Variants in CCNYL1 observed in about 807,000 individuals in gnomAD.
CCNYL1 encodes cyclin Y like 1.
A neutral mutation model predicts 44.2 loss-of-function variants in CCNYL1; 16 were observed. That is an observed-to-expected ratio of 0.36 (90% confidence interval 0.25 to 0.55). CCNYL1 has a LOEUF of 0.55. Among genes scored for constraint, CCNYL1 ranks in the 20% least tolerant of loss-of-function variants. CCNYL1 has a pLI of 0.85. For synonymous variants in CCNYL1, 159 were observed against 163.2 expected (o/e 0.97, Z 0.20); for missense variants, 348 against 451.8 (o/e 0.77, Z 2.08).
intron 4 of CCNYL1, among the ~76,000 whole-genome samples, chr2:207,736,766 A>G (rs1238869545): frequency 2.0e-5 from 3 of 152,200 alleles, no homozygotes; most frequent in Non-Finnish European, 4.4e-5. Flanking sequence ...TAACCAAAAA[A>G]CCAAATAGTT....
chr2:207,747,255 A>G, intron 8 of CCNYL1, 42 bp downstream of exon 8: 2 of 1,551,714 alleles, frequency 1.3e-6, no homozygotes, highest in Non-Finnish European at 1.8e-6. Context: ...ACCATTTTCC[A>G]GTATCTTATT....
At chr2:207,718,558 G>A (rs2091615000) in intron 1 of CCNYL1, among the ~76,000 whole-genome samples, 1 of 151,586 alleles carries the variant, frequency 6.6e-6, no homozygotes, top group African/African-American at 2.4e-5. Flanking sequence ...GTGATGAATA[G>A]ACAAGTCACA....
intron 3 of CCNYL1, among the ~76,000 whole-genome samples, chr2:207,731,460 T>C (rs2091725360): frequency 6.6e-6 from 1 of 152,200 alleles, no homozygotes; most frequent in Non-Finnish European, 1.5e-5. Flanking sequence ...TTGTCCCTAT[T>C]TTGTGACTAC....
intron 1 of CCNYL1, among the ~76,000 whole-genome samples, chr2:207,721,192 C>G (rs1370772931): frequency 6.6e-6 from 1 of 152,034 alleles, no homozygotes; most frequent in Non-Finnish European, 1.5e-5. Context: ...AAACAGATGC[C>G]CAGCAGTTGG....
chr2:207,749,366 A>C (rs1223927138), intron 8 of CCNYL1, among the ~76,000 whole-genome samples: 1 of 152,202 alleles, frequency 6.6e-6, no homozygotes, highest in Non-Finnish European at 1.5e-5. Context: ...GTTTTTCTTA[A>C]AAATTTTCAA....
At chr2:207,740,838 A>T (rs2091803474) in intron 6 of CCNYL1, 132 bp downstream of exon 6, 2 of 630,782 alleles carry the variant, frequency 3.2e-6, no homozygotes, top group Non-Finnish European at 5.5e-6. Context: ...TTTAAATTTA[A>T]ATCAATTAAA....
intron 9 of CCNYL1, among the ~76,000 whole-genome samples, chr2:207,752,990 G>A (rs1218777987): frequency 6.0e-5 from 9 of 149,988 alleles, no homozygotes; most frequent in African/African-American, 2.2e-4. Context: ...AATGAGCTGA[G>A]ATCACTCCAG....
At chr2:207,750,748 C>T (rs938212978) in intron 8 of CCNYL1, 7 of 476,246 alleles carry the variant, frequency 1.5e-5, no homozygotes, top group Middle Eastern at 5.5e-4. Flanking sequence ...TAACCTTCAA[C>T]CTTCATCCCA....
chr2:207,716,754 C>G (rs558887486), intron 1 of CCNYL1, among the ~76,000 whole-genome samples: 1 of 152,128 alleles, frequency 6.6e-6, no homozygotes, highest in South Asian at 2.1e-4. Context: ...CTTGTACCTC[C>G]CTGTAGAATT....
intron 1 of CCNYL1, among the ~76,000 whole-genome samples, chr2:207,723,874 CAAAAAAAAAA>C (rs58432475): frequency 1.9e-5 from 1 of 53,358 alleles, no homozygotes; most frequent in East Asian, 4.5e-4. Flanking sequence ...GACTCCATCT[CAAAAAAAAAA>C]AAAAAAAAAA....
At chr2:207,751,195 T>C in intron 9 of CCNYL1, 76 bp downstream of exon 9, 10 of 1,301,620 alleles carry the variant, frequency 7.7e-6, no homozygotes, top group Non-Finnish European at 1.1e-5. Context: ...TCATATTAAG[T>C]AGTGATTAGG....
intron 9 of CCNYL1, among the ~76,000 whole-genome samples, chr2:207,751,922 C>G (rs1035460588): frequency 6.6e-6 from 1 of 151,396 alleles, no homozygotes; most frequent in African/African-American, 2.4e-5. Context: ...GTAATCCCAG[C>G]TACTTGGGAG....
At position 207,755,992 on chromosome 2, in the gene CCNYL1, A is replaced by G. The variant is rs959551738; in HGVS notation, c.*2294A>G. 1 of 151,816 alleles carries G rather than the reference A, an allele frequency of 6.6e-6. No individual in the cohort carries two copies. The highest frequency in any genetic ancestry group is 2.4e-5 in the African/African-American group (1 of 41,058). The allele number at this position is 151,816 out of a possible 1,614,324, so 9.4% of individuals were successfully genotyped here. ...TTTTTAAAGGACAGAGACATAAATG[A>G]TAAATAATGGTATACAAATATTACA... On this transcript the variant is annotated 3_prime_UTR_variant, in exon 10 of 10. Transcript: ENST00000295414.
At chr2:207,747,504 C>G (rs529010790) in intron 8 of CCNYL1, among the ~76,000 whole-genome samples, 4 of 110,714 alleles carry the variant, frequency 3.6e-5, no homozygotes, top group Non-Finnish European at 6.6e-5. Context: ...AAAAATCTTA[C>G]AAGTATACTA....
intron 8 of CCNYL1, among the ~76,000 whole-genome samples, chr2:207,749,790 A>G (rs569400271): frequency 6.6e-6 from 1 of 152,252 alleles, no homozygotes; most frequent in Non-Finnish European, 1.5e-5. Context: ...TTTTAAGCTC[A>G]GCAAATGAGA....
chr2:207,728,842 G>A (rs756929883), intron 3 of CCNYL1, among the ~76,000 whole-genome samples: 1 of 151,912 alleles, frequency 6.6e-6, no homozygotes, highest in Non-Finnish European at 1.5e-5. Flanking sequence ...CTGTTGCCAG[G>A]CTTGAGTGCA....
chr2:207,712,264 C>T (rs2091555089), intron 1 of CCNYL1, 148 bp downstream of exon 1: 2 of 614,942 alleles, frequency 3.3e-6, no homozygotes, highest in Non-Finnish European at 5.5e-6. Flanking sequence ...CGCGTCCCCA[C>T]CCCTTATTCT....
chr2:207,741,664 G>T (rs565539899), intron 6 of CCNYL1, among the ~76,000 whole-genome samples: 2 of 150,720 alleles, frequency 1.3e-5, no homozygotes, highest in African/African-American at 4.9e-5. Context: ...GGCCAGCATG[G>T]TGAAACCCTG....
intron 1 of CCNYL1, among the ~76,000 whole-genome samples, chr2:207,715,494 C>T (rs1307296767): frequency 6.7e-6 from 1 of 148,418 alleles, no homozygotes; most frequent in Non-Finnish European, 1.5e-5. Flanking sequence ...ATTCTCCTGC[C>T]TCAGCCTCCC....
Sources: allele counts gnomAD v4.1 joint callset (sites outside exome capture counted in the v4.1 genomes callset), GRCh38; gene constraint gnomAD v4.1.1; transcripts MANE v1.5; gene names NCBI Gene and HGNC (gene_info 2026-07-23, HGNC 2026-07-21).